The following MYO9B variants were observed in gnomAD, a reference collection of about 807,000 sequenced individuals.
MYO9B encodes the protein unconventional myosin-IXb.
In MYO9B, 71 loss-of-function variants were observed where a neutral mutation model predicts 229.5. The observed-to-expected ratio is 0.31, with a 90% CI of 0.26 to 0.38. The LOEUF (loss-of-function observed/expected upper bound fraction) is 0.38. MYO9B is among the 10% of genes least tolerant of loss of function. MYO9B has a pLI of 1.00. For synonymous variants in MYO9B, 1,185 were observed against 1,235.8 expected (o/e 0.96, Z 0.86); for missense variants, 2,255 against 2,920.5 (o/e 0.77, Z 5.25).
intron 13 of MYO9B, among the ~76,000 whole-genome samples, chr19:17,173,351 C>A (rs1358207018): frequency 7.0e-6 from 1 of 143,386 alleles, no homozygotes; most frequent in Non-Finnish European, 1.5e-5. Context: ...CTTGCCCAGG[C>A]TCTAGTGTAA....
intron 16 of MYO9B, 35 bp from the exon 17 acceptor site, chr19:17,184,830 G>A: frequency 1.9e-6 from 3 of 1,612,516 alleles, no homozygotes; most frequent in African/African-American, 1.3e-5. Flanking sequence ...TGTGGGCTGT[G>A]GGAGGGCAGG....
chr19:17,088,237 A>G (rs2057602219), intron 1 of MYO9B, among the ~76,000 whole-genome samples: 1 of 151,980 alleles, frequency 6.6e-6, no homozygotes. Flanking sequence ...ATCTTTATTC[A>G]CGTGCCGCCT....
chr19:17,123,229 A>G (rs1206299425), intron 2 of MYO9B, among the ~76,000 whole-genome samples: 10 of 152,202 alleles, frequency 6.6e-5, no homozygotes, highest in African/African-American at 2.2e-4. Flanking sequence ...CAAAGGGGAA[A>G]GCAAGCACAG....
intron 18 of MYO9B, among the ~76,000 whole-genome samples, chr19:17,187,421 C>T (rs2072930447): frequency 6.6e-6 from 1 of 152,040 alleles, no homozygotes. Flanking sequence ...TGGGCTTTGT[C>T]CGCCCCATCA....
intron 2 of MYO9B, among the ~76,000 whole-genome samples, chr19:17,104,823 C>T (rs144421879): frequency 6.6e-6 from 1 of 152,044 alleles, no homozygotes; most frequent in Admixed American, 6.6e-5. Flanking sequence ...TCCCATGTAC[C>T]CCTCCCACGC....
chr19:17,079,179 C>G (rs949904089), intron 1 of MYO9B, among the ~76,000 whole-genome samples: 1 of 152,218 alleles, frequency 6.6e-6, no homozygotes, highest in African/African-American at 2.4e-5. Context: ...ACCTGGTTCC[C>G]CTCTAGGGCC....
intron 2 of MYO9B, among the ~76,000 whole-genome samples, chr19:17,109,825 A>G (rs889037524): frequency 6.6e-6 from 1 of 152,142 alleles, no homozygotes; most frequent in African/African-American, 2.4e-5. Context: ...CCTCATCTCA[A>G]AATACTTACC....
In MYO9B at chr19:17,162,956, C is replaced by T. The variant is rs756486427; in HGVS notation, c.1537-32C>T. ...GGCTGGCTCCCTCGGGGTGCACCTG[C>T]GGGCAGTGACCATTTTCTCTGTCTC... On this transcript the variant is annotated intron_variant, in intron 9 of 39. Transcript: ENST00000682292. 52 of 1,598,494 alleles carry T rather than the reference C, an allele frequency of 3.3e-5. 1 individual carries two copies. The highest frequency in any genetic ancestry group is 1.5e-4 in the South Asian group (13 of 88,122).
intron 3 of MYO9B, among the ~76,000 whole-genome samples, chr19:17,151,246 C>T (rs1274784059): frequency 6.6e-6 from 1 of 151,074 alleles, no homozygotes. Context: ...CCATTGCACT[C>T]CAGCCTCGGC....
chr19:17,088,190 C>G (rs913934516), intron 1 of MYO9B, among the ~76,000 whole-genome samples: 1 of 152,232 alleles, frequency 6.6e-6, no homozygotes, highest in Non-Finnish European at 1.5e-5. Context: ...CCAGGTGTTC[C>G]ATGGCCTGTG....
At chr19:17,146,220 T>C (rs2072409646) in intron 3 of MYO9B, among the ~76,000 whole-genome samples, 2 of 151,070 alleles carry the variant, frequency 1.3e-5, no homozygotes, top group East Asian at 2.0e-4. Context: ...GATCGATGGA[T>C]TGATTCATGG....
At position 17,172,905 on chromosome 19, in the gene MYO9B, C is replaced by T. The variant is rs778112872; in HGVS notation, c.2082C>T (p.Ala694=). ...CCGTGCTCCGGGCTGCTATCCGGGC[C>T]ATGGCAGTGCTTCGGGAGGCCGGAC... is the stretch of plus-strand genomic sequence containing the variant. ...RWAVLRAAIR[A]MAVLREAGRL... Residue 694 remains alanine (A), a synonymous_variant, in exon 13 of 40, where the codon GCC becomes GCT. Transcript: ENST00000682292. This position sits in a 1 kb window ranked among gnomAD's most constrained non-coding sequence, Gnocchi z 8.2. 5.6e-6 allele frequency: 9 copies of T among 1,601,750 alleles called. 1 individual carries two copies. The South Asian group carries it at 8.8e-5, about 16-fold the overall frequency.
intron 2 of MYO9B, among the ~76,000 whole-genome samples, chr19:17,106,678 G>A (rs1378051988): frequency 6.6e-6 from 1 of 152,250 alleles, no homozygotes; most frequent in African/African-American, 2.4e-5. Flanking sequence ...CCCAGAGTCA[G>A]GAGGCTGAGT....
chr19:17,169,109 C>T (rs534779243), intron 11 of MYO9B, among the ~76,000 whole-genome samples: 9 of 152,164 alleles, frequency 5.9e-5, no homozygotes, highest in Non-Finnish European at 1.0e-4. Flanking sequence ...CAGTGGCTCA[C>T]GCCTGTAATC....
At chr19:17,096,939 C>T (rs1044803316) in intron 1 of MYO9B, among the ~76,000 whole-genome samples, 1 of 151,224 alleles carries the variant, frequency 6.6e-6, no homozygotes, top group South Asian at 2.1e-4. Context: ...ATCCGCCCGC[C>T]TCTGCTTCCC....
chr19:17,157,148 A>G (rs2072546385), intron 7 of MYO9B, 110 bp downstream of exon 7: 16 of 1,326,482 alleles, frequency 1.2e-5, no homozygotes, highest in Non-Finnish European at 1.6e-5. Flanking sequence ...GGTTTCATCA[A>G]CCAGGACCTC....
chr19:17,147,024 G>A (rs2072419266), intron 3 of MYO9B, among the ~76,000 whole-genome samples: 2 of 152,240 alleles, frequency 1.3e-5, no homozygotes, highest in African/African-American at 4.8e-5. Flanking sequence ...CCAGTAGGCA[G>A]TGGTGTGGGT....
intron 37 of MYO9B, 22 bp downstream of exon 37, chr19:17,210,402 C>A: frequency 1.9e-6 from 3 of 1,575,166 alleles, no homozygotes; most frequent in Admixed American, 3.7e-5. Context: ...TTCGGTGGGC[C>A]CGCGGTGCAT....
At chr19:17,085,791 AC>A (rs929528671) in intron 1 of MYO9B, among the ~76,000 whole-genome samples, 1 of 152,002 alleles carries the variant, frequency 6.6e-6, no homozygotes, top group Non-Finnish European at 1.5e-5. Context: ...ACATAGGGAG[AC>A]CCCTGTTCTT....
Sources: gnomAD v4.1 joint callset for allele counts (sites outside exome capture counted in the v4.1 genomes callset) on GRCh38, gnomAD v4.1.1 for gene constraint, Gnocchi (gnomAD v3.1) non-coding constraint, MANE v1.5 for transcripts, NCBI Gene and HGNC (gene_info 2026-07-23, HGNC 2026-07-21) for gene names.